Variants in CFAP20DC observed in about 807,000 individuals in gnomAD.
CFAP20DC encodes CFAP20 domain containing.
In CFAP20DC, 84 loss-of-function variants were observed where a neutral mutation model predicts 101.7. The observed-to-expected ratio is 0.83, with a 90% CI of 0.69 to 0.99. The LOEUF (loss-of-function observed/expected upper bound fraction) is 0.99, where lower values mean the gene tolerates loss of function less well. CFAP20DC is among the 50% of genes least tolerant of loss of function. The pLI, the probability that CFAP20DC is intolerant of heterozygous loss-of-function variation, is 0.00. For synonymous variants in CFAP20DC, 359 were observed against 351.2 expected, an observed-to-expected ratio of 1.02 and a Z score of -0.25; for missense variants, 1,007 against 970.3, an observed-to-expected ratio of 1.04 and a Z score of -0.50.
At chr3:58,871,732 C>T (rs1258613234) in intron 7 of CFAP20DC, among the ~76,000 whole-genome samples, 2 of 151,878 alleles carry the variant, frequency 1.3e-5, no homozygotes, top group African/African-American at 2.4e-5. Flanking sequence ...TTCACCCTGT[C>T]GGCCAGGCTG....
chr3:58,757,098 C>G (rs1010828394), intron 15 of CFAP20DC, among the ~76,000 whole-genome samples: 1 of 152,008 alleles, frequency 6.6e-6, no homozygotes, highest in Non-Finnish European at 1.5e-5. Flanking sequence ...ATTCCCAGAA[C>G]AAAAGATAAA....
intron 4 of CFAP20DC, among the ~76,000 whole-genome samples, chr3:58,961,857 G>T (rs1321952538): frequency 2.6e-5 from 4 of 151,986 alleles, no homozygotes; most frequent in Non-Finnish European, 5.9e-5. Context: ...TTTCTAAAGG[G>T]TTATGAGCAG....
chr3:58,966,098 G>A (rs1287172981), intron 4 of CFAP20DC, among the ~76,000 whole-genome samples: 1 of 152,180 alleles, frequency 6.6e-6, no homozygotes, highest in Non-Finnish European at 1.5e-5. Context: ...TGGCAAGGCC[G>A]GGGCTCCCAT....
intron 15 of CFAP20DC, among the ~76,000 whole-genome samples, chr3:58,767,400 T>C (rs1019298855): frequency 6.6e-6 from 1 of 152,198 alleles, no homozygotes; most frequent in Non-Finnish European, 1.5e-5. Context: ...ACATATTTAC[T>C]AGCTTAAAAA....
chr3:58,818,531 A>G (rs1378994493), intron 14 of CFAP20DC, among the ~76,000 whole-genome samples: 3 of 151,090 alleles, frequency 2.0e-5, no homozygotes, highest in South Asian at 2.1e-4. Flanking sequence ...ACAAAGATCA[A>G]AAGAGACAAA....
chr3:58,830,224 T>A (rs559612203), intron 14 of CFAP20DC, among the ~76,000 whole-genome samples: 80 of 152,252 alleles, frequency 5.3e-4, no homozygotes, highest in Admixed American at 5.1e-3. Flanking sequence ...TCAAACCAAC[T>A]GGAATTCTTC....
chr3:58,840,057 G>A (rs781147901), intron 13 of CFAP20DC, among the ~76,000 whole-genome samples: 1 of 152,198 alleles, frequency 6.6e-6, no homozygotes, highest in Non-Finnish European at 1.5e-5. Flanking sequence ...AAAGAGAGCA[G>A]AGGGACAGGA....
intron 14 of CFAP20DC, among the ~76,000 whole-genome samples, chr3:58,818,024 C>T (rs1445818841): frequency 2.0e-5 from 3 of 150,904 alleles, no homozygotes; most frequent in African/African-American, 7.4e-5. Flanking sequence ...CCCAGAATTT[C>T]ATATCCAGCC....
intron 4 of CFAP20DC, among the ~76,000 whole-genome samples, chr3:58,991,768 G>A (rs1010658385): frequency 3.3e-5 from 5 of 152,248 alleles, no homozygotes; most frequent in African/African-American, 1.2e-4. Context: ...CGGAGGTCAG[G>A]TGGTAATCCT....
chr3:58,969,438 G>A (rs1349502149), intron 4 of CFAP20DC, among the ~76,000 whole-genome samples: 1 of 152,114 alleles, frequency 6.6e-6, no homozygotes, highest in Non-Finnish European at 1.5e-5. Flanking sequence ...AATACGTAAA[G>A]TTCCATATGA....
intron 14 of CFAP20DC, among the ~76,000 whole-genome samples, chr3:58,819,677 G>A (rs1264897899): frequency 3.5e-5 from 5 of 144,224 alleles, no homozygotes; most frequent in Non-Finnish European, 7.5e-5. Flanking sequence ...AAGAGTCCAG[G>A]ACCAGATGGA....
At chr3:58,979,834 G>A (rs2092448666) in intron 4 of CFAP20DC, among the ~76,000 whole-genome samples, 2 of 150,064 alleles carry the variant, frequency 1.3e-5, no homozygotes, top group Non-Finnish European at 3.0e-5. Flanking sequence ...TTTTTTTATG[G>A]AGAATCAATA....
chr3:58,843,019 C>A (rs1244139827), intron 13 of CFAP20DC, among the ~76,000 whole-genome samples: 4 of 152,170 alleles, frequency 2.6e-5, no homozygotes, highest in South Asian at 2.1e-4. Context: ...CTGTACATCA[C>A]CATCGTCAAA....
intron 4 of CFAP20DC, among the ~76,000 whole-genome samples, chr3:58,958,102 G>T (rs1398381441): frequency 1.3e-5 from 2 of 151,704 alleles, no homozygotes; most frequent in Non-Finnish European, 2.9e-5. Flanking sequence ...AACATCTCAG[G>T]TACACCATAA....
At position 59,006,341 on chromosome 3, in the gene CFAP20DC, GAA is replaced by G. The variant is rs1205693299; in HGVS notation, c.278+33214_278+33215del. Among the ~76,000 whole-genome samples, 1 of 152,192 alleles carries G rather than the reference GAA, an allele frequency of 6.6e-6. No individual in the cohort carries two copies. Among genetic ancestry groups the G allele is most frequent in the Non-Finnish European group, 1.5e-5 (1 of 68,030 alleles). On this transcript the variant is annotated intron_variant, in intron 4 of 16. Transcript: ENST00000482387. The surrounding 1 kb of genome is among the most constrained non-coding windows in gnomAD (Gnocchi z 4.3). ...TGTGCACCTCTCACTTGGAGAGACT[GAA>G]TAATGTGTGGAGACTCACACCATGA...
Position 58,863,859 on chromosome 3 carries a change from A to G in CFAP20DC, c.1292T>C (p.Ile431Thr). Residue 431 changes from isoleucine (I) to threonine (T), a missense_variant, in exon 12 of 17, where the codon ATT becomes ACT. By Grantham distance (89) the Ile-to-Thr change is moderately conservative. Coordinates refer to ENST00000482387, the MANE Select transcript of CFAP20DC (RefSeq NM_001394063.1). The surrounding 1 kb of genome is among the most constrained non-coding windows in gnomAD (Gnocchi z 5.9). ...EWIFPENADH[I>T]SYLASSRQSL... ...CTGTCTGCTGGATGCCAGATATGAA[A>G]TGTGATCAGCATTTTCAGGAAAAAT... The G allele has an allele frequency of 6.2e-7, 1 of 1,613,700 alleles. No homozygotes were observed. Among genetic ancestry groups the G allele is most frequent in the Non-Finnish European group, 8.5e-7 (1 of 1,179,766 alleles).
intron 6 of CFAP20DC, among the ~76,000 whole-genome samples, chr3:58,887,618 G>A (rs971130186): frequency 6.6e-6 from 1 of 152,166 alleles, no homozygotes; most frequent in African/African-American, 2.4e-5. Context: ...ATACAACAAG[G>A]CAGGGACTAT....
chr3:59,049,213 C>A (rs890371496), intron 1 of CFAP20DC, among the ~76,000 whole-genome samples: 9 of 152,230 alleles, frequency 5.9e-5, no homozygotes, highest in Admixed American at 4.6e-4. Context: ...TTCACTCATT[C>A]ACTCTTCTAA....
chr3:58,932,317 G>A (rs939026632), intron 5 of CFAP20DC, among the ~76,000 whole-genome samples: 9 of 152,182 alleles, frequency 5.9e-5, no homozygotes, highest in African/African-American at 2.2e-4. Context: ...TGAAAGTGAT[G>A]GGGAGAATGG....
Sources: allele counts gnomAD v4.1 joint callset (sites outside exome capture counted in the v4.1 genomes callset), GRCh38; gene constraint gnomAD v4.1.1; non-coding constraint Gnocchi (gnomAD v3.1); transcripts MANE v1.5; gene names NCBI Gene and HGNC (gene_info 2026-07-23, HGNC 2026-07-21).